The following CD163L1 variants were observed in gnomAD, a reference collection of about 807,000 sequenced individuals.
CD163L1 encodes the protein scavenger receptor cysteine-rich type 1 protein M160.
In CD163L1, 124 loss-of-function variants were observed where a neutral mutation model predicts 165.4. The ratio of observed to expected loss-of-function variants is 0.75; its 90% CI spans 0.65 to 0.87. The LOEUF is 0.87. Ranked by LOEUF, CD163L1 falls within the 40% of genes least tolerant of loss-of-function variation. CD163L1 has a pLI of 0.00. For synonymous variants in CD163L1, 585 were observed against 662.2 expected (o/e 0.88, Z 1.79); for missense variants, 1,525 against 1,799.9 (o/e 0.85, Z 2.76).
At chr12:7,326,350 G>A in the CD163L1 span, among the ~76,000 whole-genome samples, 3 of 152,248 alleles carry the variant, frequency 2.0e-5, no homozygotes, top group East Asian at 1.9e-4. Flanking sequence ...TACTACAGGT[G>A]TGCACAACTG....
the CD163L1 span, among the ~76,000 whole-genome samples, chr12:7,333,577 A>G: frequency 6.6e-6 from 1 of 152,250 alleles, no homozygotes; most frequent in Non-Finnish European, 1.5e-5. Context: ...GACAATTAAA[A>G]GAACTAGAAA....
intron 4 of CD163L1, among the ~76,000 whole-genome samples, chr12:7,411,352 G>A (rs1948134763): frequency 6.6e-6 from 1 of 152,102 alleles, no homozygotes; most frequent in African/African-American, 2.4e-5. Context: ...CCCCTGATAT[G>A]GTTTGGATGT....
chr12:7,421,082 TATAC>T (rs1565808991), intron 4 of CD163L1, among the ~76,000 whole-genome samples: 2 of 115,582 alleles, frequency 1.7e-5, no homozygotes, highest in African/African-American at 3.8e-5. Context: ...TACGTATATA[TATAC>T]GTATATATAT....
intron 18 of CD163L1, among the ~76,000 whole-genome samples, chr12:7,359,570 AT>A (rs1179972049): frequency 6.6e-6 from 1 of 152,160 alleles, no homozygotes; most frequent in Non-Finnish European, 1.5e-5. Context: ...AATTGAGGTT[AT>A]TTGTTGCCAT....
the CD163L1 span, chr12:7,324,589 C>A: frequency 1.2e-6 from 2 of 1,613,746 alleles, no homozygotes; most frequent in East Asian, 4.5e-5. Flanking sequence ...CAGATCAAAT[C>A]CGCGGAGAGG....
chr12:7,433,751 A>G, intron 2 of CD163L1, 57 bp from the exon 3 acceptor site: 3 of 1,291,784 alleles, frequency 2.3e-6, no homozygotes, highest in Non-Finnish European at 2.2e-6. Flanking sequence ...GGCAGAAATA[A>G]TATAAGTAGG....
chr12:7,396,924 C>T (rs7488523), intron 7 of CD163L1, among the ~76,000 whole-genome samples: 9,830 of 152,056 alleles, frequency 0.065, 651 homozygotes, highest in Admixed American at 0.21. Context: ...CCCTGAATAA[C>T]GCAGATTTTG....
chr12:7,367,821 C>T (rs189448535), intron 17 of CD163L1, among the ~76,000 whole-genome samples: 25 of 152,354 alleles, frequency 1.6e-4, no homozygotes, highest in Non-Finnish European at 3.4e-4. Context: ...CAATTACCTT[C>T]CTTCTATCAG....
chr12:7,336,116 T>C, the CD163L1 span, among the ~76,000 whole-genome samples: 1 of 144,522 alleles, frequency 6.9e-6, no homozygotes, highest in African/African-American at 2.6e-5. Flanking sequence ...CTCAGGGATC[T>C]AGAACTAGAA....
At chr12:7,335,698 A>T in the CD163L1 span, among the ~76,000 whole-genome samples, 1 of 152,226 alleles carries the variant, frequency 6.6e-6, no homozygotes, top group African/African-American at 2.4e-5. Context: ...CAGCAAAAGA[A>T]ACTACCATCA....
chr12:7,324,256 T>G, the CD163L1 span: 4 of 1,610,254 alleles, frequency 2.5e-6, no homozygotes, highest in South Asian at 4.4e-5. Context: ...TCCCCAAATG[T>G]CATCCTTGGT....
intron 4 of CD163L1, among the ~76,000 whole-genome samples, chr12:7,422,224 A>T (rs929398680): frequency 6.6e-6 from 1 of 152,150 alleles, no homozygotes; most frequent in Non-Finnish European, 1.5e-5. Context: ...AAAAACTAAC[A>T]GACAAAAAGC....
intron 8 of CD163L1, among the ~76,000 whole-genome samples, chr12:7,387,161 G>T (rs1947538200): frequency 6.6e-6 from 1 of 152,096 alleles, no homozygotes; most frequent in Admixed American, 6.6e-5. Flanking sequence ...AAAGTGAGTA[G>T]CATTTCTATA....
chr12:7,352,326 G>A (rs923697163), downstream of CD163L1, among the ~76,000 whole-genome samples: 2 of 152,112 alleles, frequency 1.3e-5, no homozygotes, highest in Non-Finnish European at 2.9e-5. Context: ...TGGCTTTAGT[G>A]CTGGGGTTGC....
At chr12:7,322,366 T>G in the CD163L1 span, 1 of 1,610,642 alleles carries the variant, frequency 6.2e-7, no homozygotes. Context: ...TGTCTTGCAG[T>G]GAAAGCACTC....
chr12:7,325,508 A>C, the CD163L1 span, among the ~76,000 whole-genome samples: 1 of 152,128 alleles, frequency 6.6e-6, no homozygotes, highest in Non-Finnish European at 1.5e-5. Flanking sequence ...TTAGCCTGGC[A>C]TGGTGGCGGG....
At chr12:7,426,106 C>T (rs1170527037) in intron 4 of CD163L1, among the ~76,000 whole-genome samples, 1 of 152,138 alleles carries the variant, frequency 6.6e-6, no homozygotes, top group Admixed American at 6.6e-5. Context: ...GAATACTATG[C>T]AGCCATAAAA....
intron 2 of CD163L1, among the ~76,000 whole-genome samples, chr12:7,437,939 T>C (rs533037156): frequency 6.6e-6 from 1 of 151,906 alleles, no homozygotes. Flanking sequence ...TTTCCACCCA[T>C]AGTCTTAACC....
chr12:7,332,984 C>T, the CD163L1 span, among the ~76,000 whole-genome samples: 24,959 of 152,120 alleles, frequency 0.16, 2,587 homozygotes, highest in Admixed American at 0.28. Context: ...AAGACACAGA[C>T]TGGCAAATTG....
Sources: gnomAD v4.1 joint callset for allele counts (sites outside exome capture counted in the v4.1 genomes callset) on GRCh38, gnomAD v4.1.1 for gene constraint, MANE v1.5 for transcripts, NCBI Gene and HGNC (gene_info 2026-07-23, HGNC 2026-07-21) for gene names.